PDGFRL: variants seen among roughly 807,000 people sequenced by gnomAD.
The protein encoded by PDGFRL is platelet derived growth factor receptor like.
A neutral mutation model predicts 37.2 loss-of-function variants in PDGFRL; 46 were observed. That is an observed-to-expected ratio of 1.24 (90% CI 0.98 to 1.58). The LOEUF (loss-of-function observed/expected upper bound fraction) is 1.58. Ranked by LOEUF, PDGFRL falls within the 40% of genes most tolerant of loss-of-function variation. The probability of loss-of-function intolerance (pLI) is 0.00; values close to 1 mark genes in which losing one functional copy is unlikely to be tolerated. For synonymous variants in PDGFRL, 251 were observed against 184.3 expected (o/e 1.36, Z -2.93); for missense variants, 692 against 467.6 (o/e 1.48, Z -4.43).
intron 2 of PDGFRL, among the ~76,000 whole-genome samples, chr8:17,608,101 CCTGTCTCCTGCCTCGCTT>C (rs1804322930): frequency 6.6e-6 from 1 of 152,174 alleles, no homozygotes; most frequent in Non-Finnish European, 1.5e-5. Context: ...GCCTCAGGGG[CCTGTCTCCTGCCTCGCTT>C]GGTGCCTTCC....
At chr8:17,632,946 C>A (rs2588260) in intron 4 of PDGFRL, among the ~76,000 whole-genome samples, 1 of 152,188 alleles carries the variant, frequency 6.6e-6, no homozygotes, top group African/African-American at 2.4e-5. Flanking sequence ...GGCTCTCAGA[C>A]TGTTCTATTC....
intron 4 of PDGFRL, among the ~76,000 whole-genome samples, chr8:17,630,665 C>A (rs1298075782): frequency 1.3e-5 from 2 of 152,186 alleles, no homozygotes; most frequent in Non-Finnish European, 2.9e-5. Flanking sequence ...TGCTGGGGCA[C>A]CAGGTTAGGG....
chr8:17,598,794 C>G (rs997456464), intron 2 of PDGFRL, among the ~76,000 whole-genome samples: 3 of 152,098 alleles, frequency 2.0e-5, no homozygotes, highest in Non-Finnish European at 4.4e-5. Flanking sequence ...GGCAGTTCCC[C>G]CATACTGTTC....
intron 2 of PDGFRL, 48 bp from the exon 3 acceptor site, chr8:17,621,003 C>T: frequency 6.7e-7 from 1 of 1,493,776 alleles, no homozygotes; most frequent in Non-Finnish European, 9.1e-7. Flanking sequence ...GCTGGAGGGC[C>T]CCAGCCAGGT....
chr8:17,634,938 G>T (rs1216875346), intron 5 of PDGFRL, among the ~76,000 whole-genome samples: 1 of 151,728 alleles, frequency 6.6e-6, no homozygotes, highest in Non-Finnish European at 1.5e-5. Context: ...CTATATAACA[G>T]ACTTGCACAT....
upstream of PDGFRL, chr8:17,577,119 C>A: frequency 3.2e-6 from 4 of 1,249,816 alleles, no homozygotes; most frequent in Non-Finnish European, 4.2e-6. Flanking sequence ...TTCCCCCAAA[C>A]CTTGTTCCTC....
intron 1 of PDGFRL, among the ~76,000 whole-genome samples, chr8:17,587,753 G>T (rs937951089): frequency 6.6e-6 from 1 of 150,808 alleles, no homozygotes; most frequent in African/African-American, 2.5e-5. Context: ...TCAGCCTCCC[G>T]AGTGGTAGCT....
Position 17,628,327 on chromosome 8 carries a change from C to T in PDGFRL, c.506-160C>T, listed in dbSNP as rs371583937. ...TCTTTAAGGAGACAGGAAGTTAAAT[C>T]ATTCTTCCAAAAAATGAAAAGCATT... On this transcript the variant is annotated intron_variant, in intron 3 of 5. Transcript: ENST00000251630. Among the ~76,000 whole-genome samples, 10 of 152,190 alleles carry T rather than the reference C, an allele frequency of 6.6e-5. No homozygotes were observed. The South Asian group carries it at 8.3e-4, about 13-fold the overall frequency.
At chr8:17,595,709 T>G (rs146719106) in intron 2 of PDGFRL, among the ~76,000 whole-genome samples, 1,882 of 152,254 alleles carry the variant, frequency 0.012, 46 homozygotes, top group African/African-American at 0.042. Flanking sequence ...CCTCTAGCCC[T>G]GTGGTGGGGC....
chr8:17,595,461 A>G (rs1278020032), intron 2 of PDGFRL, among the ~76,000 whole-genome samples: 1 of 151,962 alleles, frequency 6.6e-6, no homozygotes, highest in African/African-American at 2.4e-5. Context: ...ATCCCGTAGG[A>G]TCTCTAAAAC....
chr8:17,582,846 C>G (rs1803736410), intron 1 of PDGFRL, among the ~76,000 whole-genome samples: 1 of 152,108 alleles, frequency 6.6e-6, no homozygotes, highest in Non-Finnish European at 1.5e-5. Flanking sequence ...CCCCTCCCAT[C>G]CCAGGCCCAG....
At chr8:17,599,608 C>T (rs945901609) in intron 2 of PDGFRL, among the ~76,000 whole-genome samples, 9 of 152,186 alleles carry the variant, frequency 5.9e-5, no homozygotes, top group Admixed American at 2.6e-4. Context: ...CCGTACAGCT[C>T]GCCACGTGGC....
intron 2 of PDGFRL, among the ~76,000 whole-genome samples, chr8:17,620,773 T>G (rs1804613978): frequency 6.6e-6 from 1 of 152,218 alleles, no homozygotes; most frequent in East Asian, 1.9e-4. Context: ...AGCCGAATAA[T>G]CCATCATGTT....
At chr8:17,627,224 C>G (rs538603659) in intron 3 of PDGFRL, among the ~76,000 whole-genome samples, 1 of 152,168 alleles carries the variant, frequency 6.6e-6, no homozygotes, top group African/African-American at 2.4e-5. Context: ...TTAAAACTTA[C>G]AATCATAAAA....
intron 3 of PDGFRL, among the ~76,000 whole-genome samples, chr8:17,622,308 C>T (rs1047114447): frequency 2.6e-5 from 4 of 152,216 alleles, no homozygotes; most frequent in Admixed American, 1.3e-4. Context: ...TATTGTCGTC[C>T]AAGACATTTC....
chr8:17,626,546 G>A (rs575675980), intron 3 of PDGFRL, among the ~76,000 whole-genome samples: 2 of 152,294 alleles, frequency 1.3e-5, no homozygotes, highest in East Asian at 3.9e-4. Flanking sequence ...CCATCTAACT[G>A]TGACACAAAG....
At chr8:17,640,408 A>G (rs960891696) in intron 5 of PDGFRL, among the ~76,000 whole-genome samples, 9 of 152,138 alleles carry the variant, frequency 5.9e-5, no homozygotes, top group African/African-American at 2.2e-4. Context: ...TGGGTAGACT[A>G]TGGTAGAGGG....
At chr8:17,588,059 A>G (rs1405534039) in intron 1 of PDGFRL, among the ~76,000 whole-genome samples, 1 of 152,138 alleles carries the variant, frequency 6.6e-6, no homozygotes, top group Non-Finnish European at 1.5e-5. Flanking sequence ...GATGCAGGCA[A>G]TAAGGGTGCC....
At chr8:17,614,753 C>T (rs1804490037) in intron 2 of PDGFRL, among the ~76,000 whole-genome samples, 1 of 152,136 alleles carries the variant, frequency 6.6e-6, no homozygotes, top group Non-Finnish European at 1.5e-5. Context: ...TAATTTTTAA[C>T]ATTTTTGTAG....
Sources: gnomAD v4.1 joint callset for allele counts (sites outside exome capture counted in the v4.1 genomes callset) on GRCh38, gnomAD v4.1.1 for gene constraint, MANE v1.5 for transcripts, NCBI Gene and HGNC (gene_info 2026-07-23, HGNC 2026-07-21) for gene names.